NBEA: variants seen among roughly 807,000 people sequenced by gnomAD.
The protein encoded by NBEA is lysosomal-trafficking regulator 2.
Under a neutral mutation model 343.4 loss-of-function variants are expected in NBEA, and 44 were observed. The observed-to-expected ratio is 0.13, with a 90% CI of 0.10 to 0.16. The LOEUF (loss-of-function observed/expected upper bound fraction) is 0.16. NBEA is among the 10% of genes least tolerant of loss of function. The pLI is 1.00. For synonymous variants in NBEA, 1,175 were observed against 1,238.7 expected, an observed-to-expected ratio of 0.95 and a Z score of 1.08; for missense variants, 2,555 against 3,631.3, an observed-to-expected ratio of 0.70 and a Z score of 7.62.
chr13:35,545,885 T>C (rs890060362), intron 41 of NBEA, among the ~76,000 whole-genome samples: 3 of 152,208 alleles, frequency 2.0e-5, no homozygotes, highest in African/African-American at 7.2e-5. Context: ...GCAGGGTTGT[T>C]TGGTGGACTA....
chr13:35,544,511 A>G (rs2078979422), intron 41 of NBEA, among the ~76,000 whole-genome samples: 1 of 152,158 alleles, frequency 6.6e-6, no homozygotes, highest in African/African-American at 2.4e-5. Context: ...GCAGCCTTGT[A>G]TTTTTCAACA....
chr13:35,377,626 A>G lies in NBEA; in HGVS notation c.6179+25303A>G, dbSNP rs927006047. On this transcript the variant is annotated intron_variant, in intron 38 of 58. Transcript: ENST00000379939. ...TGAATAAGCCTCTAGCTCAGATCTC[A>G]GTGATTGGTACCTATCTATCCCTGA... Among the ~76,000 whole-genome samples, 35 of 152,324 alleles carry G rather than the reference A, an allele frequency of 2.3e-4. 1 individual carries two copies. The highest frequency in any genetic ancestry group is 3.4e-3 in the Middle Eastern group (1 of 294).
intron 43 of NBEA, among the ~76,000 whole-genome samples, chr13:35,553,514 T>C (rs1292924488): frequency 6.6e-6 from 1 of 151,992 alleles, no homozygotes; most frequent in Non-Finnish European, 1.5e-5. Context: ...GTGGAAAGAA[T>C]GAATAACACT....
At chr13:35,514,506 A>G (rs1299101144) in intron 41 of NBEA, among the ~76,000 whole-genome samples, 1 of 152,126 alleles carries the variant, frequency 6.6e-6, no homozygotes, top group Non-Finnish European at 1.5e-5. Context: ...AAAACTGCTC[A>G]TTTGTAGTGG....
chr13:35,620,926 A>G (rs993811381), intron 48 of NBEA, among the ~76,000 whole-genome samples: 1 of 152,130 alleles, frequency 6.6e-6, no homozygotes, highest in African/African-American at 2.4e-5. Flanking sequence ...AGCAGCAGAG[A>G]TAGATAAATC....
At chr13:35,216,328 T>A (rs916839249) in intron 33 of NBEA, among the ~76,000 whole-genome samples, 1 of 151,918 alleles carries the variant, frequency 6.6e-6, no homozygotes, top group Non-Finnish European at 1.5e-5. Flanking sequence ...TACATAAAGT[T>A]ATTGGAATAC....
chr13:35,602,226 A>C (rs2082085641), intron 47 of NBEA, among the ~76,000 whole-genome samples: 1 of 152,194 alleles, frequency 6.6e-6, no homozygotes, highest in Admixed American at 6.5e-5. Context: ...GAAACAACAA[A>C]TCTTTTCAAT....
intron 38 of NBEA, among the ~76,000 whole-genome samples, chr13:35,382,430 G>C (rs2152892871): frequency 6.6e-6 from 1 of 152,230 alleles, no homozygotes; most frequent in East Asian, 1.9e-4. Context: ...AGCCTTTGTA[G>C]TTGGAAGGAA....
chr13:35,214,617 C>G (rs1397767538), intron 33 of NBEA, among the ~76,000 whole-genome samples: 1 of 151,512 alleles, frequency 6.6e-6, no homozygotes, highest in Non-Finnish European at 1.5e-5. Flanking sequence ...AACATGCAGT[C>G]TAGAATTTTT....
chr13:35,111,695 C>T (rs1184511597), intron 13 of NBEA, among the ~76,000 whole-genome samples: 1 of 151,866 alleles, frequency 6.6e-6, no homozygotes, highest in Admixed American at 6.6e-5. Context: ...AATGTTAGAG[C>T]ATTCTCTCAT....
chr13:35,054,429 G>A (rs1344184708), intron 6 of NBEA, among the ~76,000 whole-genome samples: 1 of 151,524 alleles, frequency 6.6e-6, no homozygotes, highest in Non-Finnish European at 1.5e-5. Flanking sequence ...TTTTAATCAG[G>A]GCTAACATAT....
chr13:35,090,331 T>A (rs2065018188), intron 10 of NBEA, among the ~76,000 whole-genome samples: 1 of 151,824 alleles, frequency 6.6e-6, no homozygotes, highest in African/African-American at 2.4e-5. Context: ...CACAAGAGAT[T>A]TCTGATAACA....
chr13:35,129,698 A>G (rs2067310677), intron 17 of NBEA, among the ~76,000 whole-genome samples: 1 of 152,090 alleles, frequency 6.6e-6, no homozygotes, highest in Non-Finnish European at 1.5e-5. Flanking sequence ...GGAAGAGGCA[A>G]TATTCAAAGT....
chr13:35,140,714 AC>A (rs1366401462), intron 17 of NBEA, among the ~76,000 whole-genome samples: 1 of 151,940 alleles, frequency 6.6e-6, no homozygotes, highest in Non-Finnish European at 1.5e-5. Context: ...GTTAGAAGAG[AC>A]CTTTTGCAGA....
chr13:35,452,311 T>G, intron 40 of NBEA, 76 bp downstream of exon 40: 1 of 1,077,532 alleles, frequency 9.3e-7, no homozygotes, highest in Non-Finnish European at 1.4e-6. Context: ...TGTCTCCTAG[T>G]AAATAAATGT....
intron 38 of NBEA, among the ~76,000 whole-genome samples, chr13:35,385,014 T>C (rs570061089): frequency 8.7e-4 from 133 of 152,358 alleles, no homozygotes; most frequent in African/African-American, 3.1e-3. Flanking sequence ...ATACTCCTGC[T>C]ACTGTTGGCT....
intron 44 of NBEA, among the ~76,000 whole-genome samples, chr13:35,557,626 A>G (rs1464695918): frequency 6.6e-6 from 1 of 152,120 alleles, no homozygotes; most frequent in Non-Finnish European, 1.5e-5. Flanking sequence ...TGCAATTATT[A>G]TGACTAAACA....
At chr13:35,057,942 G>A (rs1361049340) in intron 7 of NBEA, among the ~76,000 whole-genome samples, 1 of 151,936 alleles carries the variant, frequency 6.6e-6, no homozygotes, top group Non-Finnish European at 1.5e-5. Flanking sequence ...CTTTATTGCA[G>A]TACGAAAAGT....
intron 33 of NBEA, among the ~76,000 whole-genome samples, chr13:35,218,069 T>C (rs1222007308): frequency 2.0e-5 from 3 of 152,052 alleles, no homozygotes; most frequent in Non-Finnish European, 4.4e-5. Flanking sequence ...GTATTTGCCA[T>C]AATATAGGAA....
Sources: allele counts gnomAD v4.1 joint callset (sites outside exome capture counted in the v4.1 genomes callset), GRCh38; gene constraint gnomAD v4.1.1; transcripts MANE v1.5; gene names NCBI Gene and HGNC (gene_info 2026-07-23, HGNC 2026-07-21).